Variants in KIAA0825 observed in about 807,000 individuals in gnomAD.
The protein encoded by KIAA0825 is uncharacterized protein KIAA0825.
A neutral mutation model predicts 147.6 loss-of-function variants in KIAA0825; 119 were observed. The observed-to-expected ratio is 0.81, with a 90% CI of 0.69 to 0.94. The LOEUF is 0.94. Among genes scored for constraint, KIAA0825 ranks in the 40% least tolerant of loss-of-function variants. The pLI, the probability that KIAA0825 is intolerant of heterozygous loss-of-function variation, is 0.00. For synonymous variants in KIAA0825, 470 were observed against 518.1 expected (o/e 0.91, Z 1.26); for missense variants, 1,381 against 1,472.7 (o/e 0.94, Z 1.02).
At chr5:94,279,660 T>C (rs1777374512) in intron 20 of KIAA0825, among the ~76,000 whole-genome samples, 1 of 152,014 alleles carries the variant, frequency 6.6e-6, no homozygotes, top group Admixed American at 6.6e-5. Context: ...CCTTCTTTCT[T>C]CCTTCCTTTC....
chr5:94,496,563 G>T (rs1764384053), intron 5 of KIAA0825, among the ~76,000 whole-genome samples: 1 of 152,122 alleles, frequency 6.6e-6, no homozygotes, highest in Non-Finnish European at 1.5e-5. Context: ...AGATGTACCT[G>T]ATAGCAATAA....
Position 94,523,971 on chromosome 5 carries a change from A to C in KIAA0825, c.259T>G (p.Phe87Val), listed in dbSNP as rs199896373. 9.4e-6 allele frequency: 15 copies of C among 1,603,406 alleles called. No homozygotes were observed. The highest frequency in any genetic ancestry group is 2.7e-5 in the African/African-American group (2 of 74,490). The change falls in exon 4 of 21, where the codon TTC becomes GTC. Residue 87 changes from phenylalanine (F) to valine (V), a missense_variant. By Grantham distance (50) the Phe-to-Val change is conservative. Coordinates refer to ENST00000682413, the MANE Select transcript of KIAA0825 (RefSeq NM_001145678.3). ...NYNYSTSESSFISHGDLIKFF... is the reference protein window; with the variant it reads ...NYNYSTSESSVISHGDLIKFF... ...TTTATCAAGTCTCCATGAGAAATGAAAGATGATTCAGATGTACTGTAATTA... is the reference window on the plus strand; with the variant it reads ...TTTATCAAGTCTCCATGAGAAATGACAGATGATTCAGATGTACTGTAATTA...
chr5:94,548,150 T>C (rs951735017), intron 2 of KIAA0825, among the ~76,000 whole-genome samples: 14 of 152,124 alleles, frequency 9.2e-5, no homozygotes, highest in African/African-American at 3.4e-4. Context: ...GGTATGTAAA[T>C]TACTCATATC....
intron 20 of KIAA0825, among the ~76,000 whole-genome samples, chr5:94,308,006 T>A (rs963396830): frequency 2.7e-4 from 41 of 151,898 alleles, no homozygotes; most frequent in African/African-American, 8.9e-4. Context: ...CCAAAAGATC[T>A]ACAGGATCAA....
intron 2 of KIAA0825, chr5:94,568,389 GCGC>G (rs1685937061): frequency 6.5e-6 from 1 of 154,570 alleles, no homozygotes; most frequent in South Asian, 2.0e-4. Context: ...TCCCTAACAA[GCGC>G]CAATAGCACT....
intron 20 of KIAA0825, among the ~76,000 whole-genome samples, chr5:94,230,696 A>C (rs1774614065): frequency 6.6e-6 from 1 of 152,170 alleles, no homozygotes; most frequent in African/African-American, 2.4e-5. Flanking sequence ...ATGAACTTTA[A>C]AGATTATTTA....
intron 14 of KIAA0825, among the ~76,000 whole-genome samples, chr5:94,427,074 C>A (rs1040394016): frequency 6.6e-6 from 1 of 152,104 alleles, no homozygotes; most frequent in Admixed American, 6.6e-5. Context: ...AATTTGCCAG[C>A]CCCTGTTCAT....
intron 2 of KIAA0825, among the ~76,000 whole-genome samples, chr5:94,578,723 A>G (rs1221262939): frequency 2.0e-5 from 3 of 152,204 alleles, no homozygotes; most frequent in African/African-American, 7.2e-5. Flanking sequence ...AGGGCAGAAT[A>G]GTATAGTGGT....
chr5:94,474,829 A>C (rs1054375852), intron 7 of KIAA0825, among the ~76,000 whole-genome samples: 3 of 152,168 alleles, frequency 2.0e-5, no homozygotes, highest in Non-Finnish European at 4.4e-5. Flanking sequence ...AAATCATGCC[A>C]GTAATCCCAG....
chr5:94,153,942 TA>T lies in KIAA0825; in HGVS notation c.*64del. On this transcript the variant is annotated 3_prime_UTR_variant, in exon 21 of 21. Coordinates refer to ENST00000682413, the MANE Select transcript of KIAA0825 (RefSeq NM_001145678.3). The stretch of plus-strand genomic sequence containing the variant: ...CATATGAGGTTCATTCTGACTATGG[TA>T]AAAAATCCTACTCCATTACATGGGA... 8.9e-7 allele frequency: 1 copy of T among 1,118,782 alleles called. No homozygotes were observed. The highest frequency in any genetic ancestry group is 2.0e-4 in the Middle Eastern group (1 of 5,116). 69.3% of individuals were successfully genotyped at this position (1,118,782 alleles called of 1,614,324 possible).
chr5:94,439,421 A>G (rs1005286310), intron 14 of KIAA0825, among the ~76,000 whole-genome samples: 12 of 152,134 alleles, frequency 7.9e-5, no homozygotes, highest in African/African-American at 2.7e-4. Flanking sequence ...TTTAAAGGGG[A>G]AAAAAAGAAA....
At position 94,520,436 on chromosome 5, in the gene KIAA0825, G is replaced by T; in HGVS notation, c.782C>A (p.Thr261Lys). 6.2e-7 allele frequency: 1 copy of T among 1,612,486 alleles called. No individual in the cohort carries two copies. The change falls in exon 5 of 21, where the codon ACA becomes AAA. Residue 261 changes from threonine to lysine, a missense_variant. Transcript: ENST00000682413. ...AGATGGAGCTAAAATTTCACATAGTGTGTTAAAATCCTCTTTTATTACTGA... is the reference window on the plus strand; with the variant it reads ...AGATGGAGCTAAAATTTCACATAGTTTGTTAAAATCCTCTTTTATTACTGA... ...LYSVIKEDFN[T>K]LCEILAPSSM... is the part of the protein sequence containing the mutation.
chr5:94,425,290 T>C (rs1754714498), intron 14 of KIAA0825, among the ~76,000 whole-genome samples: 1 of 152,098 alleles, frequency 6.6e-6, no homozygotes, highest in Admixed American at 6.5e-5. Context: ...TACACCTTCA[T>C]CAAGTGGGAT....
intron 20 of KIAA0825, among the ~76,000 whole-genome samples, chr5:94,218,847 A>G (rs576674683): frequency 6.6e-5 from 10 of 152,254 alleles, no homozygotes; most frequent in African/African-American, 2.4e-4. Flanking sequence ...CCAACTGGAT[A>G]TTACTCCTCT....
rs556191635 is a variant in KIAA0825, at chr5:94,441,244, C to T, written c.2358-1123G>A. 2.0e-5 allele frequency among the ~76,000 whole-genome samples: 3 copies of T among 150,366 alleles called. No individual in the cohort carries two copies. In the East Asian group the frequency reaches 6.0e-4, roughly 30 times the overall value. ...TCCTAATTCTCCAGCCTCATCCCAT[C>T]AGAAATTCTGGGGCGGGGATTGGGG... is the stretch of plus-strand genomic sequence containing the variant. On this transcript the variant is annotated intron_variant, in intron 13 of 20. Coordinates refer to ENST00000682413, the MANE Select transcript of KIAA0825 (RefSeq NM_001145678.3).
At chr5:94,604,703 A>G (rs1164522753) in intron 1 of KIAA0825, among the ~76,000 whole-genome samples, 1 of 152,198 alleles carries the variant, frequency 6.6e-6, no homozygotes, top group African/African-American at 2.4e-5. Context: ...GAAACTAAGA[A>G]CAAAGATACA....
intron 20 of KIAA0825, among the ~76,000 whole-genome samples, chr5:94,283,646 C>T (rs1208440023): frequency 6.6e-6 from 1 of 152,102 alleles, no homozygotes; most frequent in East Asian, 1.9e-4. Flanking sequence ...TTTTAGCTTA[C>T]ATTTTAAAAA....
intron 20 of KIAA0825, among the ~76,000 whole-genome samples, chr5:94,224,009 A>G (rs1425993852): frequency 1.3e-5 from 2 of 151,054 alleles, no homozygotes; most frequent in African/African-American, 2.4e-5. Flanking sequence ...ATTCATGGTT[A>G]ATTATTCAAA....
At chr5:94,581,343 T>C (rs1782139372) in intron 2 of KIAA0825, among the ~76,000 whole-genome samples, 1 of 152,216 alleles carries the variant, frequency 6.6e-6, no homozygotes, top group Non-Finnish European at 1.5e-5. Flanking sequence ...ATTTATAAAT[T>C]AGCTGTCTCT....
Sources: allele counts gnomAD v4.1 joint callset (sites outside exome capture counted in the v4.1 genomes callset), GRCh38; gene constraint gnomAD v4.1.1; transcripts MANE v1.5; gene names NCBI Gene and HGNC (gene_info 2026-07-23, HGNC 2026-07-21).